Variants in IP6K1 observed in about 807,000 individuals in gnomAD.
The protein encoded by IP6K1 is inositol hexakisphosphate kinase 1.
IP6K1 carries 13 observed loss-of-function variants against 38.3 expected under a neutral mutation model. The observed-to-expected ratio is 0.34, with a 90% CI of 0.22 to 0.54. IP6K1 has a LOEUF of 0.54. IP6K1 is among the 20% of genes least tolerant of loss of function. The probability of loss-of-function intolerance (pLI) is 0.92; values close to 1 mark genes in which losing one functional copy is unlikely to be tolerated. For missense variants in IP6K1, 397 were observed against 599.8 expected (o/e 0.66, Z 3.53); for synonymous variants, 212 against 229.9 (o/e 0.92, Z 0.70).
At chr3:49,760,527 G>A (rs997324250) in intron 1 of IP6K1, among the ~76,000 whole-genome samples, 47 of 151,856 alleles carry the variant, frequency 3.1e-4, no homozygotes, top group African/African-American at 1.1e-3. Flanking sequence ...GTGAGGCTGA[G>A]GCAGGAGAAT....
At chr3:49,738,763 T>C (rs1472279340) in intron 2 of IP6K1, among the ~76,000 whole-genome samples, 5 of 152,210 alleles carry the variant, frequency 3.3e-5, no homozygotes, top group Non-Finnish European at 7.3e-5. Context: ...AACCCTCTAG[T>C]TACTTAAGTG....
At chr3:49,763,930 G>A (rs894356374) in intron 1 of IP6K1, among the ~76,000 whole-genome samples, 5 of 152,112 alleles carry the variant, frequency 3.3e-5, no homozygotes, top group Non-Finnish European at 7.4e-5. Context: ...GCTGAGGCAG[G>A]AGAATTGCTG....
chr3:49,764,295 T>C (rs894346518), intron 1 of IP6K1, among the ~76,000 whole-genome samples: 4 of 152,112 alleles, frequency 2.6e-5, no homozygotes, highest in Admixed American at 6.5e-5. Flanking sequence ...GGTGGGAGGA[T>C]TGCTTAATTT....
At chr3:49,732,344 T>C (rs1248988294) in intron 4 of IP6K1, among the ~76,000 whole-genome samples, 2 of 152,186 alleles carry the variant, frequency 1.3e-5, no homozygotes, top group Non-Finnish European at 2.9e-5. Context: ...ACTACACACA[T>C]GCACACAAGC....
Position 49,724,937 on chromosome 3 carries a change from C to T in IP6K1, c.*2185G>A, listed in dbSNP as rs1400981599. The T allele has an allele frequency of 1.3e-5, 2 of 152,886 alleles. No individual in the cohort carries two copies. Among genetic ancestry groups the T allele is most frequent in the African/African-American group, 4.8e-5 (2 of 41,470 alleles). 9.5% of individuals were successfully genotyped at this position (152,886 alleles called of 1,614,324 possible). The stretch of plus-strand genomic sequence containing the variant: ...CATGATCCCATGTTGCACTTTGTTC[C>T]CAAGTTGGGGCTAAGAAGGCTGGGC... On this transcript the variant is annotated 3_prime_UTR_variant, in exon 6 of 6. Transcript: ENST00000321599.
intron 1 of IP6K1, among the ~76,000 whole-genome samples, chr3:49,756,110 A>G (rs115733427): frequency 1.3e-5 from 2 of 152,310 alleles, no homozygotes; most frequent in Non-Finnish European, 2.9e-5. Flanking sequence ...GAGGGAATCT[A>G]TGTTGCCATT....
chr3:49,739,722 T>C (rs1418203766), intron 2 of IP6K1, among the ~76,000 whole-genome samples: 1 of 152,066 alleles, frequency 6.6e-6, no homozygotes, highest in African/African-American at 2.4e-5. Context: ...GGTGCCATCA[T>C]AGCTCACTAC....
At chr3:49,738,473 A>C in intron 2 of IP6K1, 51 bp from the exon 3 acceptor site, 3 of 1,416,070 alleles carry the variant, frequency 2.1e-6, no homozygotes, top group Non-Finnish European at 2.0e-6. Flanking sequence ...GGCCGAGTCT[A>C]TGCAGCACAG....
intron 1 of IP6K1, among the ~76,000 whole-genome samples, chr3:49,774,877 TC>T: frequency 1.3e-5 from 2 of 152,022 alleles, no homozygotes; most frequent in East Asian, 3.9e-4. Flanking sequence ...GGTCATAATT[TC>T]TTTTTTTTTT....
At position 49,727,534 on chromosome 3, in the gene IP6K1, C is replaced by A; in HGVS notation, c.914G>T (p.Arg305Leu). 6.2e-7 allele frequency: 1 copy of A among 1,614,190 alleles called. No homozygotes were observed. The highest frequency in any genetic ancestry group is 1.1e-5 in the South Asian group (1 of 91,086). ...QYLHNGLDLRRDLFEPILSKL... is the reference protein window; with the variant it reads ...QYLHNGLDLRLDLFEPILSKL... ...GCTCAGGATAGGCTCAAACAGGTCA[C>A]GTCGCAGGTCCAGGCCATTGTGCAG... is the stretch of plus-strand genomic sequence containing the variant. The change falls in exon 6 of 6, where the codon CGT becomes CTT. Residue 305 changes from arginine (R) to leucine (L), a missense_variant. Around this residue, in one of 3 missense-constraint regions of IP6K1, gnomAD observed 164 missense variants for 213.5 expected, o/e 0.77. Transcript: ENST00000321599. The surrounding 1 kb of genome is among the most constrained non-coding windows in gnomAD (Gnocchi z 5.9).
At chr3:49,733,105 T>C (rs1395611036) in intron 3 of IP6K1, 133 bp from the exon 4 acceptor site, 4 of 555,374 alleles carry the variant, frequency 7.2e-6, no homozygotes, top group Non-Finnish European at 1.3e-5. Context: ...TAAGGTCCCA[T>C]GAGCCAATAA....
At chr3:49,783,554 T>C (rs970243172) in intron 1 of IP6K1, among the ~76,000 whole-genome samples, 2 of 150,344 alleles carry the variant, frequency 1.3e-5, no homozygotes, top group African/African-American at 4.9e-5. Context: ...CTCCTAAAAA[T>C]ACAAAAAAAT....
intron 1 of IP6K1, among the ~76,000 whole-genome samples, chr3:49,767,586 AATAATAAT>A (rs1275478602): frequency 1.2e-5 from 1 of 82,838 alleles, no homozygotes; most frequent in Admixed American, 1.1e-4. Context: ...CTCAAAAAAT[AATAATAAT>A]AATAACAACA....
rs2080870745 is a variant in IP6K1, at chr3:49,761,856, A to G, written c.-128-13688T>C. On this transcript the variant is annotated intron_variant, in intron 1 of 5. Coordinates refer to ENST00000321599, the MANE Select transcript of IP6K1 (RefSeq NM_153273.4). ...TCCCAGTTTGGAGGCTGAGGCACCG[A>G]GATTACTTAAGACCAGGAGTTTGAG... Among the ~76,000 whole-genome samples the G allele has an allele frequency of 2.6e-5, 4 of 151,628 alleles. No individual in the cohort carries two copies. In the South Asian group the frequency reaches 8.4e-4, roughly 32 times the overall value.
At chr3:49,782,942 T>C (rs1575332780) in intron 1 of IP6K1, among the ~76,000 whole-genome samples, 1 of 124,016 alleles carries the variant, frequency 8.1e-6, no homozygotes, top group African/African-American at 3.2e-5. Context: ...AAACCCCGGC[T>C]CTACTAAAAA....
At chr3:49,740,565 G>A (rs1462008618) in intron 2 of IP6K1, among the ~76,000 whole-genome samples, 3 of 151,988 alleles carry the variant, frequency 2.0e-5, no homozygotes, top group South Asian at 2.1e-4. Flanking sequence ...CTACAGATTT[G>A]CCTATTATGC....
At position 49,747,872 on chromosome 3, in the gene IP6K1, G is replaced by A. The variant is rs933805036; in HGVS notation, c.169C>T (p.Arg57Cys). 2.5e-6 allele frequency: 4 copies of A among 1,614,172 alleles called. No individual in the cohort carries two copies. The highest frequency in any genetic ancestry group is 3.4e-6 in the Non-Finnish European group (4 of 1,180,022). ...VCKPLISREQ[R>C]FYESLPPEMK... Reference sequence around the variant, plus strand: ...TCGGGAGGGAGGGACTCGTAAAAGCGCTGTTCCCGGGAGATGAGGGGCTTG... The same window carrying A: ...TCGGGAGGGAGGGACTCGTAAAAGCACTGTTCCCGGGAGATGAGGGGCTTG... Residue 57 changes from arginine (R) to cysteine (C), a missense_variant, in exon 2 of 6, where the codon CGC becomes TGC. Transcript: ENST00000321599.
intron 1 of IP6K1, among the ~76,000 whole-genome samples, chr3:49,750,317 A>G (rs1473535568): frequency 6.6e-6 from 1 of 152,080 alleles, no homozygotes; most frequent in Non-Finnish European, 1.5e-5. Context: ...AGAGTGCTAA[A>G]TTTTCTAGCC....
In IP6K1 at chr3:49,730,419, C is replaced by T. The variant is rs2108221871; in HGVS notation, c.617-2141G>A. ...CCCTCACCATCAGTGAACCAAGGCC[C>T]TACTCAAGCCAGCACCTTGCCCAGG... On this transcript the variant is annotated intron_variant, in intron 4 of 5. Transcript: ENST00000321599. Among the ~76,000 whole-genome samples the T allele has an allele frequency of 1.3e-5, 2 of 152,322 alleles. 1 individual carries two copies. Among genetic ancestry groups the T allele is most frequent in the South Asian group, 4.1e-4 (2 of 4,830 alleles).
Sources: allele counts gnomAD v4.1 joint callset (sites outside exome capture counted in the v4.1 genomes callset), GRCh38; gene constraint gnomAD v4.1.1; regional missense constraint gnomAD v4.1.1; non-coding constraint Gnocchi (gnomAD v3.1); transcripts MANE v1.5; gene names NCBI Gene and HGNC (gene_info 2026-07-23, HGNC 2026-07-21).